Variants in CACNA1I observed in about 807,000 individuals in gnomAD.
CACNA1I encodes voltage-dependent T-type calcium channel subunit alpha-1I.
In CACNA1I, 74 loss-of-function variants were observed where a neutral mutation model predicts 201.6. That is an observed-to-expected ratio of 0.37 (90% CI 0.30 to 0.45). The LOEUF is 0.45. Among genes scored for constraint, CACNA1I ranks in the 20% least tolerant of loss-of-function variants. CACNA1I has a pLI of 1.00. For synonymous variants in CACNA1I, 1,431 were observed against 1,345.2 expected, an observed-to-expected ratio of 1.06 and a Z score of -1.40; for missense variants, 2,346 against 3,138.1, an observed-to-expected ratio of 0.75 and a Z score of 6.03.
intron 35 of CACNA1I, among the ~76,000 whole-genome samples, chr22:39,683,955 GC>G (rs1296633250): frequency 6.6e-6 from 1 of 152,208 alleles, no homozygotes; most frequent in African/African-American, 2.4e-5. Context: ...TGAGCTGGGA[GC>G]TTCCAGCTGT....
chr22:39,636,876 G>A (rs1268383767), intron 5 of CACNA1I, among the ~76,000 whole-genome samples: 1 of 152,238 alleles, frequency 6.6e-6, no homozygotes, highest in Non-Finnish European at 1.5e-5. Context: ...TCCGTCGTCA[G>A]GGCGGAGAAG....
At chr22:39,641,612 C>G (rs894794343) in intron 6 of CACNA1I, among the ~76,000 whole-genome samples, 5 of 152,210 alleles carry the variant, frequency 3.3e-5, no homozygotes, top group African/African-American at 1.2e-4. Flanking sequence ...GAGCAAAATT[C>G]TGGTACAGGG....
At chr22:39,577,146 T>A (rs5757734) in intron 1 of CACNA1I, among the ~76,000 whole-genome samples, 1 of 152,000 alleles carries the variant, frequency 6.6e-6, no homozygotes, top group Non-Finnish European at 1.5e-5. Flanking sequence ...GAGACGTGGT[T>A]TCACCAGCCT....
Position 39,608,069 on chromosome 22 carries a change from C to T in CACNA1I, c.482+7416C>T, listed in dbSNP as rs187983721. 5.4e-4 allele frequency among the ~76,000 whole-genome samples: 77 copies of T among 141,476 alleles called. No individual in the cohort carries two copies. The East Asian group carries it at 0.014, about 26-fold the overall frequency. The allele number at this position is 141,476 out of a possible 152,430, so 92.8% of individuals were successfully genotyped here. A position where few individuals can be genotyped will look rare whatever the true frequency, so the allele number is the denominator to read the frequency against. On this transcript the variant is annotated intron_variant, in intron 3 of 36. Transcript: ENST00000402142. ...GGCGGAGGTTGCCATGAGCCCAGAT[C>T]GTGCCACTGCACTCCAGCCTGGGCA...
intron 1 of CACNA1I, among the ~76,000 whole-genome samples, chr22:39,581,307 A>G (rs1231512716): frequency 6.6e-6 from 1 of 152,182 alleles, no homozygotes; most frequent in East Asian, 1.9e-4. Context: ...TAGGGTCACC[A>G]GGTTGCTAAT....
At chr22:39,655,641 T>G (rs1414180184) in intron 10 of CACNA1I, among the ~76,000 whole-genome samples, 1 of 152,144 alleles carries the variant, frequency 6.6e-6, no homozygotes, top group Non-Finnish European at 1.5e-5. Context: ...TGCCCCACCT[T>G]TGCCCCTCAC....
rs146632118 is a variant in CACNA1I at position 39,632,841 on chromosome 22, C to T, written c.581-1724C>T. Among the ~76,000 whole-genome samples the T allele has an allele frequency of 8.0e-5, 12 of 150,842 alleles. No individual in the cohort carries two copies. The East Asian group carries it at 1.6e-3, about 20-fold the overall frequency. ...TCCCTTCCCTCTGCTGTACACGCCTCGCTTCCCTGCTTGGGGGTGTAGGGT... is the reference window on the plus strand; with the variant it reads ...TCCCTTCCCTCTGCTGTACACGCCTTGCTTCCCTGCTTGGGGGTGTAGGGT... On this transcript the variant is annotated intron_variant, in intron 4 of 36. Transcript: ENST00000402142.
In CACNA1I at chr22:39,657,018, A is replaced by G. The variant is rs541826562; in HGVS notation, c.1993-1134A>G. 2.6e-5 allele frequency among the ~76,000 whole-genome samples: 4 copies of G among 152,216 alleles called. No individual in the cohort carries two copies. The South Asian group carries it at 8.3e-4, about 32-fold the overall frequency. ...GAGCCTTAGAGGAGAGGCTTGGATG[A>G]ATTGGTTCCTCACTCGACCCCGTGG... On this transcript the variant is annotated intron_variant, in intron 10 of 36. Coordinates refer to ENST00000402142, the MANE Select transcript of CACNA1I (RefSeq NM_021096.4).
At chr22:39,640,827 C>T (rs750273309) in intron 5 of CACNA1I, 40 bp from the exon 6 acceptor site, 8 of 1,530,224 alleles carry the variant, frequency 5.2e-6, no homozygotes, top group Non-Finnish European at 6.2e-6. Flanking sequence ...ACAGTGACCC[C>T]TCCCCTTTCC....
chr22:39,675,481 G>T (rs1053464694), intron 29 of CACNA1I, among the ~76,000 whole-genome samples: 1 of 152,228 alleles, frequency 6.6e-6, no homozygotes, highest in Admixed American at 6.5e-5. Flanking sequence ...GGACATCCCA[G>T]CCTCCAGCAG....
intron 1 of CACNA1I, among the ~76,000 whole-genome samples, chr22:39,580,918 G>T (rs1932526919): frequency 6.6e-6 from 1 of 152,206 alleles, no homozygotes; most frequent in Non-Finnish European, 1.5e-5. Flanking sequence ...ACTGGTCTGG[G>T]CTTGAGTGGA....
rs1432360562 is a variant in CACNA1I, at chr22:39,586,375, C to A, written c.237-11776C>A. ...GACATGGTGGCACATGCCTGTAGTC[C>A]CAGACACTTGGGAAGTGGAGGCAGG... is the stretch of plus-strand genomic sequence containing the variant. On this transcript the variant is annotated intron_variant, in intron 1 of 36. Coordinates refer to ENST00000402142, the MANE Select transcript of CACNA1I (RefSeq NM_021096.4). 3.3e-5 allele frequency among the ~76,000 whole-genome samples: 5 copies of A among 152,072 alleles called. No homozygotes were observed. In the East Asian group the frequency reaches 9.7e-4, roughly 29 times the overall value.
chr22:39,613,757 C>A (rs1184402971), intron 3 of CACNA1I, among the ~76,000 whole-genome samples: 1 of 152,172 alleles, frequency 6.6e-6, no homozygotes, highest in Non-Finnish European at 1.5e-5. Flanking sequence ...CCGGCCTTGC[C>A]GGTGACTGAT....
Position 39,665,958 on chromosome 22 carries a change from C to T in CACNA1I, c.4056C>T (p.Ala1352=). Residue 1352 remains alanine (A), a synonymous_variant, in exon 23 of 37, where the codon GCC becomes GCT. Coordinates refer to ENST00000402142, the MANE Select transcript of CACNA1I (RefSeq NM_021096.4). This position sits in a 1 kb window ranked among gnomAD's most constrained non-coding sequence, Gnocchi z 5.5. ...NITNRSDCMA[A]NYRWVHHKYN... is the part of the protein sequence containing the mutation. ...CCAACCGCTCGGACTGCATGGCCGC[C>T]AACTACCGCTGGGTCCATCACAAAT... 1.2e-6 allele frequency: 2 copies of T among 1,613,856 alleles called. No individual in the cohort carries two copies. The highest frequency in any genetic ancestry group is 1.7e-6 in the Non-Finnish European group (2 of 1,179,882).
rs772387631 is a variant in CACNA1I, at chr22:39,670,903, C to T, written c.4488C>T (p.Ile1496=). 28 of 1,613,942 alleles carry T rather than the reference C, an allele frequency of 1.7e-5. No homozygotes were observed. The East Asian group carries it at 6.0e-4, about 35-fold the overall frequency. The part of the protein sequence containing the change: ...SHYLDIFITF[I]ICLNVVTMSL... ...ACCTGGACATCTTCATCACCTTCAT[C>T]ATCTGCCTCAACGTGGTCACCATGT... Residue 1496 remains isoleucine (I), a synonymous_variant, in exon 26 of 37, where the codon ATC becomes ATT. Coordinates refer to ENST00000402142, the MANE Select transcript of CACNA1I (RefSeq NM_021096.4).
intron 3 of CACNA1I, among the ~76,000 whole-genome samples, chr22:39,612,988 C>T (rs1041527462): frequency 1.3e-5 from 2 of 152,204 alleles, no homozygotes; most frequent in Non-Finnish European, 2.9e-5. Flanking sequence ...TGATTTCCAG[C>T]ATCTCAGCTT....
intron 1 of CACNA1I, among the ~76,000 whole-genome samples, chr22:39,594,544 G>A (rs936433750): frequency 9.2e-5 from 14 of 151,974 alleles, no homozygotes; most frequent in Admixed American, 2.0e-4. Context: ...GTGAGGGGAC[G>A]GGAAGGAGCA....
rs188468881 is a variant in CACNA1I at position 39,681,238 on chromosome 22, G to A, written c.5664+186G>A. Among the ~76,000 whole-genome samples, 11 of 152,302 alleles carry A rather than the reference G, an allele frequency of 7.2e-5. No individual in the cohort carries two copies. In the East Asian group the frequency reaches 1.7e-3, roughly 24 times the overall value. ...AGAGAGGTGGAGTGATTTGCCTGAG[G>A]TCACACAGCCACAAGCCCAGCCAGC... On this transcript the variant is annotated intron_variant, in intron 34 of 36. Coordinates refer to ENST00000402142, the MANE Select transcript of CACNA1I (RefSeq NM_021096.4).
chr22:39,624,626 G>C (rs1312787525), intron 4 of CACNA1I, among the ~76,000 whole-genome samples: 1 of 152,200 alleles, frequency 6.6e-6, no homozygotes, highest in African/African-American at 2.4e-5. Context: ...GCGATTCTGC[G>C]GGAGCCGCAG....
Sources: gnomAD v4.1 joint callset for allele counts (sites outside exome capture counted in the v4.1 genomes callset) on GRCh38, gnomAD v4.1.1 for gene constraint, Gnocchi (gnomAD v3.1) non-coding constraint, MANE v1.5 for transcripts, NCBI Gene and HGNC (gene_info 2026-07-23, HGNC 2026-07-21) for gene names.